Variants in PLXNA3 observed in about 807,000 individuals in gnomAD.
PLXNA3 encodes the protein plexin A3.
Under a neutral mutation model 118.8 loss-of-function variants are expected in PLXNA3, and 52 were observed. The observed-to-expected ratio is 0.44, with a 90% CI of 0.35 to 0.55. The LOEUF (loss-of-function observed/expected upper bound fraction) is 0.55. PLXNA3 is among the 20% of genes least tolerant of loss of function. PLXNA3 has a pLI of 0.01. For missense variants in PLXNA3, 1,660 were observed against 1,730.8 expected, an observed-to-expected ratio of 0.96 and a Z score of 0.73; for synonymous variants, 925 against 762.4, an observed-to-expected ratio of 1.21 and a Z score of -3.51.
At chrX:154,471,052 C>T (rs1253994911) in intron 30 of PLXNA3, 53 bp from the exon 31 acceptor site, 4 of 1,064,814 alleles carry the variant, frequency 3.8e-6, no homozygotes, top group Non-Finnish European at 5.2e-6. Flanking sequence ...ATGGGAGGGG[C>T]CCCTTGGGGC....
Position 154,467,858 on chromosome X carries a change from CG to C in PLXNA3, c.3683del (p.Gly1228ValfsTer58). 1.7e-6 allele frequency: 2 copies of C among 1,207,325 alleles called. No individual in the cohort carries two copies. The part of the protein sequence containing the change: ...LTLPAMMGLA[A>X]GGGLLLLAIT... Reference sequence around the variant, plus strand: ...CTACCGGCCATGATGGGGCTGGCGGCGGGGGGTGGGCTCCTGCTGCTGGCCA... The same window carrying C: ...CTACCGGCCATGATGGGGCTGGCGGCGGGGGTGGGCTCCTGCTGCTGGCCA... On this transcript the variant is annotated frameshift_variant, in exon 21 of 33. Coordinates refer to ENST00000369682, the MANE Select transcript of PLXNA3 (RefSeq NM_017514.5). LOFTEE classifies it high-confidence loss of function.
In PLXNA3 at chrX:154,465,176, C is replaced by T. The variant is rs370105284; in HGVS notation, c.2202C>T (p.Ala734=). Residue 734 remains alanine, a synonymous_variant, in exon 11 of 33, where the codon GCC becomes GCT. Transcript: ENST00000369682. ...RVQGRQQRVP[A]VRFNSSSVQC... ...AGGGGCGGCAGCAGCGGGTGCCTGC[C>T]GTGCGCTTCAACAGCAGCAGTGTGC... 63 of 1,208,593 alleles carry T rather than the reference C, an allele frequency of 5.2e-5. No homozygotes were observed. The highest frequency in any genetic ancestry group is 1.2e-4 in the South Asian group (7 of 56,760).
chrX:154,458,882 C>T (rs1557202632), intron 1 of PLXNA3, among the ~76,000 whole-genome samples: 1 of 111,739 alleles, frequency 8.9e-6, no homozygotes, highest in African/African-American at 3.3e-5. Context: ...AAACTGCCTC[C>T]CCAGGTCTCC....
Position 154,464,810 on chromosome X carries a change from C to T in PLXNA3, c.1985C>T (p.Thr662Met), listed in dbSNP as rs1343189326. The T allele has an allele frequency of 1.7e-5, 20 of 1,206,428 alleles. No homozygotes were observed. The highest frequency in any genetic ancestry group is 8.8e-5 in the Admixed American group (4 of 45,707). Residue 662 changes from threonine to methionine, a missense_variant, in exon 10 of 33, where the codon ACG (threonine) becomes ATG (methionine). Coordinates refer to ENST00000369682, the MANE Select transcript of PLXNA3 (RefSeq NM_017514.5). ...YPCHWCKYRH[T>M]CTSRPHECSF... ...TGCCACTGGTGTAAGTACCGCCACA[C>T]GTGTACCAGCCGCCCCCACGAGTGC...
chrX:154,468,414 C>A lies in PLXNA3; in HGVS notation c.4075C>A (p.Arg1359Ser). Residue 1359 changes from arginine (R) to serine (S), a missense_variant, in exon 23 of 33, where the codon CGC (arginine) becomes AGC (serine). Transcript: ENST00000369682. ...GGAGGCCCAGAGCAGCTTCTCCATG[C>A]GCGACCGCGGCACCGTGGCCTCGCT... Reference protein sequence around the residue: ...TLEAQSSFSMRDRGTVASLTM... With the variant: ...TLEAQSSFSMSDRGTVASLTM... 1 of 1,210,753 alleles carries A rather than the reference C, an allele frequency of 8.3e-7. No individual in the cohort carries two copies.
In PLXNA3 at chrX:154,466,006, G is replaced by C. The variant is rs868964336; in HGVS notation, c.2604G>C (p.Leu868Phe). 11 of 1,209,708 alleles carry C rather than the reference G, an allele frequency of 9.1e-6. No individual in the cohort carries two copies. In the Middle Eastern group the frequency reaches 2.3e-3, roughly 253 times the overall value. ...TCGTGGGTGAGAACCTGGGCCTCTT[G>C]TCCCGAGAGGTGGGCCTGCGGGTGG... Reference protein sequence around the residue: ...VTIVGENLGLLSREVGLRVAG... With the variant: ...VTIVGENLGLFSREVGLRVAG... Residue 868 changes from leucine (L) to phenylalanine (F), a missense_variant, in exon 14 of 33, where the codon TTG becomes TTC. By Grantham distance (22) the Leu-to-Phe change is conservative (BLOSUM62 0). Transcript: ENST00000369682.
At chrX:154,462,340 G>C (rs374058100) in intron 4 of PLXNA3, 30 bp downstream of exon 4, 8 of 1,068,749 alleles carry the variant, frequency 7.5e-6, no homozygotes, top group Non-Finnish European at 7.4e-6. Flanking sequence ...GCATGTGGGG[G>C]TGGGGACAGT....
chrX:154,461,923 A>AG (rs1411591117), intron 3 of PLXNA3, among the ~76,000 whole-genome samples: 3 of 111,898 alleles, frequency 2.7e-5, no homozygotes, highest in South Asian at 3.7e-4. Context: ...TTGTGGGCCC[A>AG]GGCTTCGCTC....
intron 4 of PLXNA3, among the ~76,000 whole-genome samples, chrX:154,462,753 G>T (rs782640877): frequency 1.8e-5 from 2 of 111,181 alleles, no homozygotes; most frequent in Non-Finnish European, 3.8e-5. Flanking sequence ...CCTACCCATG[G>T]GCCCGGGGGC....
At chrX:154,461,959 T>C (rs996657562) in intron 3 of PLXNA3, among the ~76,000 whole-genome samples, 169 bp from the exon 4 acceptor site, 3 of 112,049 alleles carry the variant, frequency 2.7e-5, no homozygotes, top group Non-Finnish European at 5.7e-5. Flanking sequence ...CCCTCCTCTG[T>C]CTCCCTCCGC....
Position 154,460,851 on chromosome X carries a change from G to A in PLXNA3, c.594+74G>A, listed in dbSNP as rs964031966. The A allele has an allele frequency of 7.7e-5, 63 of 818,189 alleles. 1 individual carries two copies. In the African/African-American group the frequency reaches 1.1e-3, roughly 15 times the overall value. The allele number at this position is 818,189 out of a possible 1,213,427, so 67.4% of individuals were successfully genotyped here. ...CTCCCAGAAGAGCCCTGTTCTTTCT[G>A]AGAGGGGACTTTCGGCTCCTCAGTG... On this transcript the variant is annotated intron_variant, in intron 2 of 32. Coordinates refer to ENST00000369682, the MANE Select transcript of PLXNA3 (RefSeq NM_017514.5).
intron 7 of PLXNA3, 22 bp from the exon 8 acceptor site, chrX:154,464,135 C>G (rs2148249040): frequency 1.5e-5 from 18 of 1,207,459 alleles, no homozygotes; most frequent in Non-Finnish European, 1.8e-5. Flanking sequence ...CCGCCCTGCC[C>G]TGAGCCCTCT....
In PLXNA3 at chrX:154,463,660, C is replaced by T. The variant is rs1557205695; in HGVS notation, c.1517C>T (p.Pro506Leu). Residue 506 changes from proline (P) to leucine (L), a missense_variant, in exon 6 of 33, where the codon CCG becomes CTG. Pro to Leu is a moderately conservative substitution (Grantham distance 98). Coordinates refer to ENST00000369682, the MANE Select transcript of PLXNA3 (RefSeq NM_017514.5). ...SCAACLGSGD[P>L]HCGWCVLRHR... The stretch of plus-strand genomic sequence containing the variant: ...GCAGCCTGCCTGGGCTCCGGGGACC[C>T]GCACTGTGGTTGGTGTGTGCTGCGA... 1.7e-6 allele frequency: 2 copies of T among 1,204,340 alleles called. No individual in the cohort carries two copies. Among genetic ancestry groups the T allele is most frequent in the Non-Finnish European group, 2.2e-6 (2 of 893,177 alleles).
Position 154,468,371 on chromosome X carries a change from T to C in PLXNA3, c.4032T>C (p.Leu1344=). The change falls in exon 23 of 33, where the codon CTT becomes CTC. Residue 1344 remains leucine (L), a synonymous_variant. Transcript: ENST00000369682. The stretch of plus-strand genomic sequence containing the variant: ...TGCTGCACAGCCGCGCGTTCGTGCT[T>C]ACCTTCATCCACACGCTGGAGGCCC... ...GQLLHSRAFV[L]TFIHTLEAQS... The C allele has an allele frequency of 2.5e-6, 3 of 1,210,640 alleles. No individual in the cohort carries two copies. The highest frequency in any genetic ancestry group is 3.4e-6 in the Non-Finnish European group (3 of 895,216).
Position 154,469,066 on chromosome X carries a change from G to T in PLXNA3, c.4445G>T (p.Cys1482Phe). The stretch of plus-strand genomic sequence containing the variant: ...CCGCTTTCCCCTCAGACCCTTCACT[G>T]CGTGTGTCCGGAGAACGAGGGCAGC... ...QIDYKTLTLH[C>F]VCPENEGSAQ... The change falls in exon 26 of 33, where the codon TGC (cysteine) becomes TTC (phenylalanine). Residue 1482 changes from cysteine (C) to phenylalanine (F), a missense_variant. This residue lies in a region of PLXNA3 where 869 missense variants were observed against 1,078.7 expected (regional missense o/e 0.81). Transcript: ENST00000369682. The T allele has an allele frequency of 8.3e-7, 1 of 1,211,509 alleles. No individual in the cohort carries two copies.
At chrX:154,461,022 G>T in intron 2 of PLXNA3, 77 bp from the exon 3 acceptor site, 1 of 916,233 alleles carries the variant, frequency 1.1e-6, no homozygotes, top group Admixed American at 2.6e-5. Flanking sequence ...GGAGGGGGAT[G>T]CAGAGGGAAG....
rs1557208668 is a variant in PLXNA3, at chrX:154,469,681, C to T, written c.4699-7C>T. 6.7e-6 allele frequency: 8 copies of T among 1,199,607 alleles called. No homozygotes were observed. In the Middle Eastern group the frequency reaches 6.9e-4, roughly 103 times the overall value. On this transcript the variant is annotated splice_polypyrimidine_tract_variant and splice_region_variant and intron_variant, in intron 27 of 32. Transcript: ENST00000369682. ...GCACTGCCCCCCTCTGTCTCTGGGG[C>T]CTCCAGGTGACAGACGGTTCCTTGG...
chrX:154,458,374 C>G lies in PLXNA3; in HGVS notation c.-82C>G, dbSNP rs2068876620. 1 of 110,473 alleles carries G rather than the reference C, an allele frequency of 9.1e-6. No homozygotes were observed. The highest frequency in any genetic ancestry group is 3.3e-5 in the African/African-American group (1 of 30,608). 9.1% of individuals were successfully genotyped at this position (110,473 alleles called of 1,213,427 possible). On this transcript the variant is annotated 5_prime_UTR_variant, in exon 1 of 33. Coordinates refer to ENST00000369682, the MANE Select transcript of PLXNA3 (RefSeq NM_017514.5). ...GTGCGAGCGGGGCCGCGGTGGGGCT[C>G]GGGGGCGCGTCCACGTGGCCAGAGG...
In PLXNA3 at chrX:154,468,149, C is replaced by G. The variant is rs1260448483; in HGVS notation, c.3888C>G (p.Phe1296Leu). The G allele has an allele frequency of 8.4e-7, 1 of 1,193,497 alleles. No homozygotes were observed. The highest frequency in any genetic ancestry group is 1.9e-5 in the South Asian group (1 of 53,562). The change falls in exon 22 of 33, where the codon TTC becomes TTG. Residue 1296 changes from phenylalanine (F) to leucine (L), a missense_variant. Phe to Leu is a conservative substitution (Grantham distance 22). This residue lies in a region of PLXNA3 where 869 missense variants were observed against 1,078.7 expected (regional missense o/e 0.81). Transcript: ENST00000369682. ...TNHMDEVQIP[F>L]LDYRTYAVRV... ...ACATGGACGAGGTGCAGATCCCCTT[C>G]CTGGACTACCGGACTTACGCCGTGC...
Sources: gnomAD v4.1 joint callset for allele counts (sites outside exome capture counted in the v4.1 genomes callset) on GRCh38, gnomAD v4.1.1 for gene constraint, gnomAD v4.1.1 regional missense constraint, MANE v1.5 for transcripts, NCBI Gene and HGNC (gene_info 2026-07-23, HGNC 2026-07-21) for gene names.